CRMP1: variants seen among roughly 807,000 people sequenced by gnomAD.
The protein encoded by CRMP1 is dihydropyrimidinase-related protein 1.
A neutral mutation model predicts 68.3 loss-of-function variants in CRMP1; 19 were observed. The ratio of observed to expected loss-of-function variants is 0.28; its 90% confidence interval spans 0.19 to 0.41. The LOEUF is 0.41. CRMP1 is among the 10% of genes least tolerant of loss of function. The probability of loss-of-function intolerance (pLI) is 1.00; values close to 1 mark genes in which losing one functional copy is unlikely to be tolerated. For synonymous variants in CRMP1, 439 were observed against 399.6 expected, an observed-to-expected ratio of 1.10 and a Z score of -1.18; for missense variants, 791 against 967.4, an observed-to-expected ratio of 0.82 and a Z score of 2.42.
At chr4:5,833,355 A>G (rs1380053187) in intron 11 of CRMP1, among the ~76,000 whole-genome samples, 1 of 131,964 alleles carries the variant, frequency 7.6e-6, no homozygotes, top group Non-Finnish European at 1.6e-5. Context: ...TTTAGTAGAG[A>G]CAGGGTTTCA....
chr4:5,845,771 G>C (rs1350157922), intron 6 of CRMP1, among the ~76,000 whole-genome samples: 1 of 152,224 alleles, frequency 6.6e-6, no homozygotes, highest in Admixed American at 6.5e-5. Context: ...AGAGGATCTG[G>C]AACCAGGCAG....
chr4:5,875,475 C>G (rs1042526824), intron 1 of CRMP1, among the ~76,000 whole-genome samples: 5 of 151,608 alleles, frequency 3.3e-5, no homozygotes, highest in South Asian at 4.2e-4. Flanking sequence ...GGTTTAGCAA[C>G]CTTGGCTATC....
At chr4:5,875,625 A>G (rs1358071518) in intron 1 of CRMP1, among the ~76,000 whole-genome samples, 1 of 152,128 alleles carries the variant, frequency 6.6e-6, no homozygotes, top group African/African-American at 2.4e-5. Flanking sequence ...GGAGAGGAGA[A>G]GGGAAACATT....
intron 11 of CRMP1, among the ~76,000 whole-genome samples, chr4:5,831,245 C>CCAAG (rs1720364226): frequency 6.6e-6 from 1 of 152,158 alleles, no homozygotes; most frequent in South Asian, 2.1e-4. Flanking sequence ...CCACGCCAGG[C>CCAAG]CAAGTCTTTA....
chr4:5,837,314 G>A (rs796763036), intron 9 of CRMP1, among the ~76,000 whole-genome samples: 16 of 152,174 alleles, frequency 1.1e-4, no homozygotes, highest in African/African-American at 3.6e-4. Flanking sequence ...GGTGCCCTGA[G>A]CTGAACACCT....
intron 4 of CRMP1, among the ~76,000 whole-genome samples, chr4:5,851,862 CAGGAGG>C (rs1370950914): frequency 8.3e-6 from 1 of 120,130 alleles, no homozygotes; most frequent in Non-Finnish European, 1.7e-5. Flanking sequence ...GGAAGAGGAG[CAGGAGG>C]AGGAAGAGGA....
chr4:5,827,949 G>A, intron 12 of CRMP1: 2 of 756,536 alleles, frequency 2.6e-6, no homozygotes, highest in Non-Finnish European at 3.2e-6. Flanking sequence ...CCTGAGGTCA[G>A]TGCTAAGGTT....
rs1714918594 is a variant in CRMP1, at chr4:5,877,433, A to G, written c.382-10677T>C. 6.6e-6 allele frequency among the ~76,000 whole-genome samples: 1 copy of G among 152,200 alleles called. No individual in the cohort carries two copies. The highest frequency in any genetic ancestry group is 1.5e-5 in the Non-Finnish European group (1 of 68,034). On this transcript the variant is annotated intron_variant, in intron 1 of 13. Coordinates refer to ENST00000324989, the MANE Select transcript of CRMP1 (RefSeq NM_001014809.3). The surrounding 1 kb of genome is among the most constrained non-coding windows in gnomAD (Gnocchi z 4.3). ...TTGAATAACCAGAGCCTTCCCCTTG[A>G]GCAAGCTCCCCACTCTGGCCTCCTT...
Position 5,860,919 on chromosome 4 carries a change from T to C in CRMP1, c.655+107A>G, listed in dbSNP as rs1301627543. The C allele has an allele frequency of 3.3e-5, 38 of 1,158,234 alleles. No homozygotes were observed. The highest frequency in any genetic ancestry group is 4.6e-5 in the Non-Finnish European group (38 of 828,088). 71.7% of individuals were successfully genotyped at this position (1,158,234 alleles called of 1,614,324 possible). On this transcript the variant is annotated intron_variant, in intron 3 of 13. Coordinates refer to ENST00000324989, the MANE Select transcript of CRMP1 (RefSeq NM_001014809.3). This position sits in a 1 kb window ranked among gnomAD's most constrained non-coding sequence, Gnocchi z 4.2. Reference sequence around the variant, plus strand: ...GGGCTGGGGGGAGAATGAAATCCAATGGCACCCTGGGCAGAGAGCCTCGAA... The same window carrying C: ...GGGCTGGGGGGAGAATGAAATCCAACGGCACCCTGGGCAGAGAGCCTCGAA...
At chr4:5,871,054 T>C (rs751044909) in intron 1 of CRMP1, among the ~76,000 whole-genome samples, 1 of 152,152 alleles carries the variant, frequency 6.6e-6, no homozygotes, top group African/African-American at 2.4e-5. Context: ...CAACCTGCTA[T>C]GCTTTTCCTA....
Position 5,853,984 on chromosome 4 carries a change from T to A in CRMP1, c.820+2159A>T, listed in dbSNP as rs1222399691. Among the ~76,000 whole-genome samples, 1 of 152,208 alleles carries A rather than the reference T, an allele frequency of 6.6e-6. No individual in the cohort carries two copies. Among genetic ancestry groups the A allele is most frequent in the Non-Finnish European group, 1.5e-5 (1 of 68,034 alleles). Reference sequence around the variant, plus strand: ...AGCCCAGATGCGCACAGCACAGGGCTCCCTGGATGCCTGCAGGCAGCACAG... The same window carrying A: ...AGCCCAGATGCGCACAGCACAGGGCACCCTGGATGCCTGCAGGCAGCACAG... On this transcript the variant is annotated intron_variant, in intron 4 of 13. Coordinates refer to ENST00000324989, the MANE Select transcript of CRMP1 (RefSeq NM_001014809.3). This position sits in a 1 kb window ranked among gnomAD's most constrained non-coding sequence, Gnocchi z 4.7.
At position 5,888,704 on chromosome 4, in the gene CRMP1, G is replaced by C; in HGVS notation, c.381+3885C>G. On this transcript the variant is annotated intron_variant, in intron 1 of 13. Transcript: ENST00000324989. This position sits in a 1 kb window ranked among gnomAD's most constrained non-coding sequence, Gnocchi z 6.4. The stretch of plus-strand genomic sequence containing the variant: ...CTTGGCGGGCCCTGGCCTCGCTCTC[G>C]CGATCCAGAGAGTATGGTTTTCAGG... 3 of 818,196 alleles carry C rather than the reference G, an allele frequency of 3.7e-6. No homozygotes were observed. The South Asian group carries it at 1.7e-4, about 45-fold the overall frequency. 50.7% of individuals were successfully genotyped at this position (818,196 alleles called of 1,614,324 possible).
chr4:5,868,451 G>A (rs1378237072), intron 1 of CRMP1, among the ~76,000 whole-genome samples: 1 of 151,484 alleles, frequency 6.6e-6, no homozygotes, highest in Non-Finnish European at 1.5e-5. Context: ...ACAGGTACCT[G>A]CCACCACACT....
At chr4:5,885,068 C>A (rs1577850417) in intron 1 of CRMP1, among the ~76,000 whole-genome samples, 1 of 151,690 alleles carries the variant, frequency 6.6e-6, no homozygotes, top group East Asian at 1.9e-4. Flanking sequence ...AGTGTTTCTG[C>A]TTTTTTGCTC....
intron 9 of CRMP1, 25 bp from the exon 10 acceptor site, chr4:5,836,931 G>A: frequency 1.9e-6 from 3 of 1,582,666 alleles, no homozygotes; most frequent in Middle Eastern, 1.7e-4. Context: ...ACAAGGTAGA[G>A]TTCAGACCCT....
At position 5,880,314 on chromosome 4, in the gene CRMP1, G is replaced by A. The variant is rs114649729; in HGVS notation, c.381+12275C>T. 7.7e-3 allele frequency among the ~76,000 whole-genome samples: 1,167 copies of A among 152,244 alleles called. 9 individuals carry two copies. The highest frequency in any genetic ancestry group is 0.014 in the Middle Eastern group (4 of 294). ...ACATAATTTAAAAGTTCGATTCAACGTTGAGGTTATAGAAATCAAACATTT... is the reference window on the plus strand; with the variant it reads ...ACATAATTTAAAAGTTCGATTCAACATTGAGGTTATAGAAATCAAACATTT... On this transcript the variant is annotated intron_variant, in intron 1 of 13. Coordinates refer to ENST00000324989, the MANE Select transcript of CRMP1 (RefSeq NM_001014809.3).
At position 5,825,824 on chromosome 4, in the gene CRMP1, TGCAGCC is replaced by T. The variant is rs1719487473; in HGVS notation, c.1804-171_1804-166del. ...ACACGACAGGTGCACTTCACACACA[TGCAGCC>T]GCACACAGGCATTCATACACACAAG... On this transcript the variant is annotated intron_variant, in intron 12 of 13. Transcript: ENST00000324989. The surrounding 1 kb of genome is among the most constrained non-coding windows in gnomAD (Gnocchi z 4.4). The T allele has an allele frequency of 3.0e-6, 2 of 659,928 alleles. No individual in the cohort carries two copies. The highest frequency in any genetic ancestry group is 6.1e-5 in the East Asian group (2 of 32,614). 40.9% of individuals were successfully genotyped at this position (659,928 alleles called of 1,614,324 possible). A position where few individuals can be genotyped will look rare whatever the true frequency, so the allele number is the denominator to read the frequency against.
chr4:5,849,702 C>T (rs984745619), intron 5 of CRMP1, among the ~76,000 whole-genome samples: 2 of 152,158 alleles, frequency 1.3e-5, no homozygotes, highest in East Asian at 3.9e-4. Context: ...GGATGGGGCA[C>T]AACTGGTCCA....
intron 5 of CRMP1, among the ~76,000 whole-genome samples, 164 bp from the exon 6 acceptor site, chr4:5,849,636 T>C (rs1712475773): frequency 6.6e-6 from 1 of 152,182 alleles, no homozygotes; most frequent in Non-Finnish European, 1.5e-5. Context: ...CAAGTCAGAC[T>C]TGGAAGGATC....
Sources: allele counts gnomAD v4.1 joint callset (sites outside exome capture counted in the v4.1 genomes callset), GRCh38; gene constraint gnomAD v4.1.1; non-coding constraint Gnocchi (gnomAD v3.1); transcripts MANE v1.5; gene names NCBI Gene and HGNC (gene_info 2026-07-23, HGNC 2026-07-21).